Variants in ZNF385D observed in about 807,000 individuals in gnomAD.
ZNF385D encodes zinc finger protein 659.
A neutral mutation model predicts 35.8 loss-of-function variants in ZNF385D; 15 were observed. The observed-to-expected ratio is 0.42, with a 90% confidence interval of 0.28 to 0.64. ZNF385D has a LOEUF of 0.64. Ranked by LOEUF, ZNF385D falls within the 30% of genes least tolerant of loss-of-function variation. ZNF385D has a pLI of 0.23. For synonymous variants in ZNF385D, 212 were observed against 186.8 expected (o/e 1.13, Z -1.10); for missense variants, 474 against 494.6 (o/e 0.96, Z 0.39).
At chr3:22,299,315 TA>T (rs1255480645) in intron 2 of ZNF385D, among the ~76,000 whole-genome samples, 2 of 151,896 alleles carry the variant, frequency 1.3e-5, no homozygotes, top group African/African-American at 2.4e-5. Context: ...AATGCACTCT[TA>T]AATAAAACAC....
At chr3:21,992,776 C>T (rs902233989) in intron 3 of ZNF385D, among the ~76,000 whole-genome samples, 1 of 152,120 alleles carries the variant, frequency 6.6e-6, no homozygotes, top group Non-Finnish European at 1.5e-5. Context: ...GATTTACTCT[C>T]TTCTGTCTTG....
At chr3:22,148,767 G>C (rs1251808537) in intron 3 of ZNF385D, among the ~76,000 whole-genome samples, 1 of 152,080 alleles carries the variant, frequency 6.6e-6, no homozygotes, top group Non-Finnish European at 1.5e-5. Flanking sequence ...TCCAAAGTTA[G>C]GTAATTAATG....
intron 3 of ZNF385D, among the ~76,000 whole-genome samples, chr3:21,864,365 T>C (rs1199881299): frequency 6.6e-6 from 1 of 152,106 alleles, no homozygotes; most frequent in Non-Finnish European, 1.5e-5. Context: ...TTACAAATTC[T>C]CTGAGTACCA....
chr3:21,446,736 G>A (rs1380256183), intron 4 of ZNF385D, among the ~76,000 whole-genome samples: 1 of 151,762 alleles, frequency 6.6e-6, no homozygotes, highest in African/African-American at 2.4e-5. Flanking sequence ...CAGGTGATCC[G>A]CCCTCCTCAG....
intron 2 of ZNF385D, among the ~76,000 whole-genome samples, chr3:22,203,501 A>G (rs1321279030): frequency 6.6e-6 from 1 of 152,148 alleles, no homozygotes; most frequent in African/African-American, 2.4e-5. Flanking sequence ...ACTTTGTCTT[A>G]TAGCTTAGGT....
intron 3 of ZNF385D, among the ~76,000 whole-genome samples, chr3:21,819,631 AATTATAT>A (rs1275252654): frequency 7.2e-6 from 1 of 139,088 alleles, no homozygotes; most frequent in South Asian, 2.3e-4. Context: ...TGTATTATAT[AATTATAT>A]ATTCTATATT....
At chr3:21,659,225 A>G (rs1339582754) in intron 2 of ZNF385D, among the ~76,000 whole-genome samples, 1 of 152,034 alleles carries the variant, frequency 6.6e-6, no homozygotes, top group Non-Finnish European at 1.5e-5. Flanking sequence ...CATACTCTTC[A>G]TTATATTTGT....
intron 2 of ZNF385D, among the ~76,000 whole-genome samples, chr3:22,215,783 A>T (rs1697837883): frequency 6.6e-6 from 1 of 151,920 alleles, no homozygotes; most frequent in Admixed American, 6.6e-5. Context: ...GAAAATGACT[A>T]ATAAAAACTT....
intron 2 of ZNF385D, among the ~76,000 whole-genome samples, chr3:22,216,539 A>G (rs527898923): frequency 6.8e-4 from 104 of 152,194 alleles, no homozygotes; most frequent in Admixed American, 1.2e-3. Context: ...TTAAGCATTG[A>G]CCCAGATGTG....
chr3:22,362,721 A>G (rs559427338), intron 2 of ZNF385D, among the ~76,000 whole-genome samples: 1 of 152,064 alleles, frequency 6.6e-6, no homozygotes, highest in Non-Finnish European at 1.5e-5. Flanking sequence ...TATTTATAAA[A>G]CTCAATGAAT....
intron 3 of ZNF385D, among the ~76,000 whole-genome samples, chr3:21,524,519 G>A (rs1305390009): frequency 6.6e-6 from 1 of 152,064 alleles, no homozygotes; most frequent in Non-Finnish European, 1.5e-5. Flanking sequence ...AACAAAGAAT[G>A]AATCATTCTC....
intron 3 of ZNF385D, among the ~76,000 whole-genome samples, chr3:22,132,576 C>A (rs192728464): frequency 1.8e-4 from 27 of 152,108 alleles, no homozygotes; most frequent in African/African-American, 6.5e-4. Context: ...TCAACATATG[C>A]CTCAATATAC....
intron 2 of ZNF385D, among the ~76,000 whole-genome samples, chr3:22,298,084 G>C (rs1021674778): frequency 6.6e-6 from 1 of 151,940 alleles, no homozygotes; most frequent in Non-Finnish European, 1.5e-5. Context: ...TCTATTGCTT[G>C]ATTTATTTAA....
At chr3:22,302,031 T>G (rs1281181377) in intron 2 of ZNF385D, among the ~76,000 whole-genome samples, 1 of 152,084 alleles carries the variant, frequency 6.6e-6, no homozygotes, top group African/African-American at 2.4e-5. Context: ...ACATTTATAT[T>G]GTTTCCATGT....
chr3:22,171,607 T>C (rs1490381743), intron 2 of ZNF385D, among the ~76,000 whole-genome samples: 1 of 152,098 alleles, frequency 6.6e-6, no homozygotes, highest in Non-Finnish European at 1.5e-5. Context: ...CCGGGCACGG[T>C]GGCTCACGCC....
At chr3:21,824,159 T>A (rs952885302) in intron 3 of ZNF385D, among the ~76,000 whole-genome samples, 5 of 152,198 alleles carry the variant, frequency 3.3e-5, no homozygotes, top group African/African-American at 1.2e-4. Context: ...TCAAAATTCA[T>A]TATATCATAG....
intron 2 of ZNF385D, among the ~76,000 whole-genome samples, chr3:22,355,167 A>G (rs948305147): frequency 6.6e-6 from 1 of 152,046 alleles, no homozygotes; most frequent in African/African-American, 2.4e-5. Context: ...TCCTTTATAT[A>G]GTCTCCATCA....
intron 3 of ZNF385D, among the ~76,000 whole-genome samples, chr3:21,910,392 C>T (rs1056561098): frequency 1.6e-4 from 24 of 152,090 alleles, no homozygotes; most frequent in African/African-American, 5.8e-4. Context: ...GCTGAACAAT[C>T]TTTTAAAATT....
chr3:22,028,771 C>T (rs1225530611), intron 3 of ZNF385D, among the ~76,000 whole-genome samples: 1 of 152,194 alleles, frequency 6.6e-6, no homozygotes, highest in Non-Finnish European at 1.5e-5. Flanking sequence ...ATGGAATTCA[C>T]TGGTCTTCCC....
Sources: allele counts gnomAD v4.1 joint callset (sites outside exome capture counted in the v4.1 genomes callset), GRCh38; gene constraint gnomAD v4.1.1; transcripts MANE v1.5; gene names NCBI Gene and HGNC (gene_info 2026-07-23, HGNC 2026-07-21).